PMEPA1: variants seen among roughly 807,000 people sequenced by gnomAD.
PMEPA1 encodes the protein protein TMEPAI.
In PMEPA1, 11 loss-of-function variants were observed where a neutral mutation model predicts 23.0. That is an observed-to-expected ratio of 0.48 (90% confidence interval 0.30 to 0.79). The LOEUF (loss-of-function observed/expected upper bound fraction) is 0.79, where lower values mean the gene tolerates loss of function less well. Among genes scored for constraint, PMEPA1 ranks in the 30% least tolerant of loss-of-function variants. PMEPA1 has a pLI of 0.06. For synonymous variants in PMEPA1, 204 were observed against 166.4 expected (o/e 1.23, Z -1.74); for missense variants, 377 against 390.9 (o/e 0.96, Z 0.30).
rs2146684821 is a variant in PMEPA1 at position 57,683,424 on chromosome 20, A to G, written c.110-23727T>C. Among the ~76,000 whole-genome samples the G allele has an allele frequency of 6.6e-6, 1 of 152,208 alleles. No homozygotes were observed. Among genetic ancestry groups the G allele is most frequent in the South Asian group, 2.1e-4 (1 of 4,816 alleles). On this transcript the variant is annotated intron_variant, in intron 1 of 3. Transcript: ENST00000341744. This position sits in a 1 kb window ranked among gnomAD's most constrained non-coding sequence, Gnocchi z 4.3. ...CAGCGCAGACGCATCTGCCAGCCTG[A>G]GGATCCAATATTTAATAGCCCATCC...
At chr20:57,674,483 A>G (rs992526528) in intron 1 of PMEPA1, among the ~76,000 whole-genome samples, 1 of 152,212 alleles carries the variant, frequency 6.6e-6, no homozygotes, top group Non-Finnish European at 1.5e-5. Flanking sequence ...GCAGAATAAT[A>G]CACCTTGTTT....
rs542524755 is a variant in PMEPA1, at chr20:57,706,189, G to A, written c.109+3285C>T. 1.8e-4 allele frequency among the ~76,000 whole-genome samples: 27 copies of A among 152,276 alleles called. No homozygotes were observed. In the South Asian group the frequency reaches 2.3e-3, roughly 13 times the overall value. ...CCAGAACTCTCAGGAAACGCCTCCC[G>A]CGTGAGCAGACACCGGGTGGCCCCA... On this transcript the variant is annotated intron_variant, in intron 1 of 3. Transcript: ENST00000341744.
chr20:57,686,086 T>C (rs1014652961), intron 1 of PMEPA1, among the ~76,000 whole-genome samples: 4 of 151,710 alleles, frequency 2.6e-5, no homozygotes, highest in Non-Finnish European at 5.9e-5. Flanking sequence ...GCAGCCAAGG[T>C]TCCAAGGGAG....
intron 1 of PMEPA1, among the ~76,000 whole-genome samples, chr20:57,660,031 TC>T (rs1322020016): frequency 2.0e-5 from 3 of 152,144 alleles, no homozygotes; most frequent in Non-Finnish European, 4.4e-5. Flanking sequence ...TCTCAGAGCC[TC>T]CTGGAGCCGT....
chr20:57,664,686 C>T (rs1259082668), intron 1 of PMEPA1, among the ~76,000 whole-genome samples: 1 of 152,212 alleles, frequency 6.6e-6, no homozygotes, highest in Non-Finnish European at 1.5e-5. Context: ...GGACTGCCAA[C>T]GCGAGGCGGA....
chr20:57,652,197 C>A lies in PMEPA1; in HGVS notation c.720G>T (p.Pro240=). Residue 240 remains proline, a synonymous_variant, in exon 4 of 4, where the codon CCG becomes CCT. Coordinates refer to ENST00000341744, the MANE Select transcript of PMEPA1 (RefSeq NM_020182.5). This position sits in a 1 kb window ranked among gnomAD's most constrained non-coding sequence, Gnocchi z 6.1. ...TCTGCTGGTGCTGGAAGGAGGACCC[C>A]GGGTAGTGGCCGATGACCTCGCTGT... ...PTYSEVIGHY[P]GSSFQHQQSS... is the part of the protein sequence containing the mutation. 2 of 1,609,240 alleles carry A rather than the reference C, an allele frequency of 1.2e-6. No individual in the cohort carries two copies. The highest frequency in any genetic ancestry group is 1.3e-5 in the African/African-American group (1 of 74,990).
At chr20:57,674,980 T>C (rs898727702) in intron 1 of PMEPA1, among the ~76,000 whole-genome samples, 4 of 152,228 alleles carry the variant, frequency 2.6e-5, no homozygotes, top group Admixed American at 1.3e-4. Context: ...CTGACCACAG[T>C]GAACGTGCAG....
At chr20:57,700,515 C>G (rs957961173) in intron 1 of PMEPA1, among the ~76,000 whole-genome samples, 2 of 152,214 alleles carry the variant, frequency 1.3e-5, no homozygotes, top group African/African-American at 4.8e-5. Context: ...GCCGTCCAGC[C>G]CAAGGGGAGT....
chr20:57,710,120 C>G (rs934492017), upstream of PMEPA1: 9 of 814,252 alleles, frequency 1.1e-5, no homozygotes, highest in African/African-American at 1.5e-4. Flanking sequence ...CTCCCCGAGC[C>G]GGGGGGCGGG....
At chr20:57,699,133 T>C (rs910992763) in intron 1 of PMEPA1, among the ~76,000 whole-genome samples, 9 of 152,218 alleles carry the variant, frequency 5.9e-5, no homozygotes, top group African/African-American at 1.9e-4. Flanking sequence ...CGAATCTTGT[T>C]GTCTGGGCAT....
At chr20:57,701,617 T>C (rs137951755) in intron 1 of PMEPA1, among the ~76,000 whole-genome samples, 146 of 152,284 alleles carry the variant, frequency 9.6e-4, no homozygotes, top group African/African-American at 3.3e-3. Context: ...GTGGAAACTT[T>C]GGAGCATTAA....
chr20:57,654,461 A>T (rs1470653766), intron 2 of PMEPA1, among the ~76,000 whole-genome samples: 1 of 151,972 alleles, frequency 6.6e-6, no homozygotes, highest in Non-Finnish European at 1.5e-5. Flanking sequence ...GGCCACTAGG[A>T]GGCTCTGTGG....
At chr20:57,673,134 T>G (rs566810302) in intron 1 of PMEPA1, among the ~76,000 whole-genome samples, 1 of 152,284 alleles carries the variant, frequency 6.6e-6, no homozygotes, top group Non-Finnish European at 1.5e-5. Flanking sequence ...TCCAAGCCTC[T>G]TGGCCGCCAG....
At chr20:57,680,775 T>G (rs889556390) in intron 1 of PMEPA1, among the ~76,000 whole-genome samples, 2 of 152,296 alleles carry the variant, frequency 1.3e-5, no homozygotes, top group East Asian at 3.9e-4. Context: ...GGATTGTACA[T>G]TTCTGTAGGC....
intron 1 of PMEPA1, among the ~76,000 whole-genome samples, chr20:57,661,707 A>C (rs1483191975): frequency 2.0e-5 from 3 of 152,162 alleles, no homozygotes; most frequent in Admixed American, 2.0e-4. Flanking sequence ...CCAGGCAAGC[A>C]CACTCCAAAC....
intron 1 of PMEPA1, among the ~76,000 whole-genome samples, chr20:57,684,132 C>A (rs1053250012): frequency 6.6e-6 from 1 of 152,196 alleles, no homozygotes; most frequent in Non-Finnish European, 1.5e-5. Flanking sequence ...GCTGCCCACG[C>A]CTGACTCCCC....
At chr20:57,660,626 ACAC>A (rs1205981180) in intron 1 of PMEPA1, among the ~76,000 whole-genome samples, 1 of 146,864 alleles carries the variant, frequency 6.8e-6, no homozygotes, top group Non-Finnish European at 1.5e-5. Context: ...ACTCCTACAC[ACAC>A]AACACCCCAA....
At chr20:57,681,619 A>G (rs1719115357) in intron 1 of PMEPA1, among the ~76,000 whole-genome samples, 1 of 152,154 alleles carries the variant, frequency 6.6e-6, no homozygotes, top group South Asian at 2.1e-4. Context: ...TCTGTAAGCA[A>G]TAATAGAGCT....
At chr20:57,673,148 C>T (rs1296772538) in intron 1 of PMEPA1, among the ~76,000 whole-genome samples, 2 of 152,066 alleles carry the variant, frequency 1.3e-5, no homozygotes, top group African/African-American at 4.8e-5. Context: ...CCGCCAGCAC[C>T]CTGGCCGCAC....
Sources: gnomAD v4.1 joint callset for allele counts (sites outside exome capture counted in the v4.1 genomes callset) on GRCh38, gnomAD v4.1.1 for gene constraint, Gnocchi (gnomAD v3.1) non-coding constraint, MANE v1.5 for transcripts, NCBI Gene and HGNC (gene_info 2026-07-23, HGNC 2026-07-21) for gene names.